The following NPTX2 variants were observed in gnomAD, a reference collection of about 807,000 sequenced individuals.
The protein encoded by NPTX2 is neuronal pentraxin-2.
In NPTX2, 23 loss-of-function variants were observed where a neutral mutation model predicts 38.1. The observed-to-expected ratio is 0.60, with a 90% confidence interval of 0.43 to 0.85. The LOEUF is 0.85. NPTX2 is among the 40% of genes least tolerant of loss of function. NPTX2 has a pLI of 0.00. For synonymous variants in NPTX2, 291 were observed against 287.3 expected (o/e 1.01, Z -0.13); for missense variants, 553 against 615.3 (o/e 0.90, Z 1.07).
chr7:98,627,260 C>G lies in NPTX2; in HGVS notation c.984C>G (p.Asp328Glu). 2 of 1,613,606 alleles carry G rather than the reference C, an allele frequency of 1.2e-6. No individual in the cohort carries two copies. The highest frequency in any genetic ancestry group is 1.7e-6 in the Non-Finnish European group (2 of 1,179,568). Reference protein sequence around the residue: ...TRDGMWEAFQDGEKLGTGENL... With the variant: ...TRDGMWEAFQEGEKLGTGENL... ...ATGGCATGTGGGAGGCATTCCAGGA[C>G]GGAGAGAAGCTGGGCACTGGGGAGA... The change falls in exon 4 of 5, where the codon GAC (aspartate) becomes GAG (glutamate). Residue 328 changes from aspartate to glutamate, a missense_variant. Coordinates refer to ENST00000265634, the MANE Select transcript of NPTX2 (RefSeq NM_002523.3).
Position 98,625,084 on chromosome 7 carries a change from C to T in NPTX2, c.806C>T (p.Ser269Phe). 1.2e-6 allele frequency: 2 copies of T among 1,613,066 alleles called. No individual in the cohort carries two copies. The highest frequency in any genetic ancestry group is 2.2e-5 in the East Asian group (1 of 44,860). The change falls in exon 3 of 5, where the codon TCC (serine) becomes TTC (phenylalanine). Residue 269 changes from serine (S) to phenylalanine (F), a missense_variant. By Grantham distance (155) the Ser-to-Phe change is radical (BLOSUM62 -2). Coordinates refer to ENST00000265634, the MANE Select transcript of NPTX2 (RefSeq NM_002523.3). ...TCACCAGGCATTGGCACCCCCTTCT[C>T]CTATGCGGTGCCAGGGCAGGCCAAC... ...SASPGIGTPF[S>F]YAVPGQANEI...
rs773232946 is a variant in NPTX2, at chr7:98,625,038, C to T, written c.760C>T (p.Leu254=). ...TGAGCTGTACGCCTTCACCATCTGC[C>T]TGTGGCTGCGGTCCAGCGCCTCACC... is the stretch of plus-strand genomic sequence containing the variant. ...LPELYAFTIC[L]WLRSSASPGI... is the part of the protein sequence containing the mutation. The change falls in exon 3 of 5, where the codon CTG becomes TTG. Residue 254 remains leucine (L), a synonymous_variant. Coordinates refer to ENST00000265634, the MANE Select transcript of NPTX2 (RefSeq NM_002523.3). 5 of 1,613,800 alleles carry T rather than the reference C, an allele frequency of 3.1e-6. No individual in the cohort carries two copies. In the South Asian group the frequency reaches 3.3e-5, roughly 11 times the overall value.
At position 98,627,249 on chromosome 7, in the gene NPTX2, G is replaced by C; in HGVS notation, c.973G>C (p.Ala325Pro). Residue 325 changes from alanine (A) to proline (P), a missense_variant, in exon 4 of 5, where the codon GCA becomes CCA. Ala to Pro is a conservative substitution (Grantham distance 27, BLOSUM62 -1). Coordinates refer to ENST00000265634, the MANE Select transcript of NPTX2 (RefSeq NM_002523.3). ...TWTTRDGMWE[A>P]FQDGEKLGTG... The stretch of plus-strand genomic sequence containing the variant: ...GACGACACGGGATGGCATGTGGGAG[G>C]CATTCCAGGACGGAGAGAAGCTGGG... 6.2e-7 allele frequency: 1 copy of C among 1,613,432 alleles called. No individual in the cohort carries two copies. Among genetic ancestry groups the C allele is most frequent in the Non-Finnish European group, 8.5e-7 (1 of 1,179,378 alleles).
Position 98,628,159 on chromosome 7 carries a change from C to T in NPTX2, c.1069-243C>T, listed in dbSNP as rs114497209. On this transcript the variant is annotated intron_variant, in intron 4 of 4. Coordinates refer to ENST00000265634, the MANE Select transcript of NPTX2 (RefSeq NM_002523.3). ...TCATGAGACCTGGCTCTGATCCTGG[C>T]TTTGGGACTTTGAGCAGTGTCTTCC... Among the ~76,000 whole-genome samples the T allele has an allele frequency of 1.0e-2, 1,517 of 152,240 alleles. 23 individuals are homozygous for T. The highest frequency in any genetic ancestry group is 0.035 in the African/African-American group (1,454 of 41,536).
At position 98,624,965 on chromosome 7, in the gene NPTX2, C is replaced by T. The variant is rs372756676; in HGVS notation, c.687C>T (p.Leu229=). The T allele has an allele frequency of 1.5e-5, 24 of 1,613,742 alleles. No homozygotes were observed. The highest frequency in any genetic ancestry group is 1.9e-5 in the Non-Finnish European group (22 of 1,179,978). Residue 229 remains leucine, a synonymous_variant, in exon 3 of 5, where the codon CTC becomes CTT. Coordinates refer to ENST00000265634, the MANE Select transcript of NPTX2 (RefSeq NM_002523.3). ...CACCAGATGCGTTCAAGGTGTCCCTCCCACTCCGCACAAACTACCTATACG... is the reference window on the plus strand; with the variant it reads ...CACCAGATGCGTTCAAGGTGTCCCTTCCACTCCGCACAAACTACCTATACG... ...FKSPDAFKVS[L]PLRTNYLYGK... is the part of the protein sequence containing the mutation.
At position 98,617,845 on chromosome 7, in the gene NPTX2, C is replaced by A; in HGVS notation, c.384C>A (p.Ser128Arg). 6.4e-7 allele frequency: 1 copy of A among 1,554,928 alleles called. No individual in the cohort carries two copies. Among genetic ancestry groups the A allele is most frequent in the Middle Eastern group, 1.9e-4 (1 of 5,336 alleles). ...RDPGHVVEQL[S>R]RSLQTLKDRL... is the part of the protein sequence containing the mutation. ...CCGGCCACGTCGTGGAGCAGCTCAGCCGCTCGCTGCAGACCCTCAAGGACC... is the reference window on the plus strand; with the variant it reads ...CCGGCCACGTCGTGGAGCAGCTCAGACGCTCGCTGCAGACCCTCAAGGACC... The change falls in exon 1 of 5, where the codon AGC becomes AGA. Residue 128 changes from serine to arginine, a missense_variant. Physicochemically the swap from Ser to Arg is moderately radical, Grantham distance 110. Transcript: ENST00000265634.
At chr7:98,626,280 G>T (rs572755786) in intron 3 of NPTX2, among the ~76,000 whole-genome samples, 3 of 152,160 alleles carry the variant, frequency 2.0e-5, no homozygotes, top group African/African-American at 7.2e-5. Context: ...CCGGATTTGG[G>T]CATTTGAGTG....
At position 98,619,647 on chromosome 7, in the gene NPTX2, A is replaced by G; in HGVS notation, c.431A>G (p.Gln144Arg). 2 of 1,610,400 alleles carry G rather than the reference A, an allele frequency of 1.2e-6. No homozygotes were observed. The highest frequency in any genetic ancestry group is 1.7e-6 in the Non-Finnish European group (2 of 1,177,642). Reference sequence around the variant, plus strand: ...CTCCTCCCCGGTGGCTGAAAGCACCAGCTCAGAGCAAACGTGTCCAATGCT... The same window carrying G: ...CTCCTCCCCGGTGGCTGAAAGCACCGGCTCAGAGCAAACGTGTCCAATGCT... ...LKDRLESLEH[Q>R]LRANVSNAGL... The change falls in exon 2 of 5, where the codon CAG becomes CGG. Residue 144 changes from glutamine to arginine, a missense_variant. Coordinates refer to ENST00000265634, the MANE Select transcript of NPTX2 (RefSeq NM_002523.3).
At chr7:98,622,975 G>T (rs552611367) in intron 2 of NPTX2, among the ~76,000 whole-genome samples, 2 of 152,282 alleles carry the variant, frequency 1.3e-5, no homozygotes, top group South Asian at 4.2e-4. Context: ...GTGAACTGCG[G>T]CCCCCAAGAG....
chr7:98,626,807 T>G (rs528745713), intron 3 of NPTX2, among the ~76,000 whole-genome samples: 35 of 152,206 alleles, frequency 2.3e-4, no homozygotes, highest in Non-Finnish European at 4.4e-4. Flanking sequence ...GGTTTGGGAC[T>G]TGGCATGAGG....
chr7:98,625,048 G>A lies in NPTX2; in HGVS notation c.770G>A (p.Arg257Gln), dbSNP rs563276077. Reference protein sequence around the residue: ...LYAFTICLWLRSSASPGIGTP... With the variant: ...LYAFTICLWLQSSASPGIGTP... ...GCCTTCACCATCTGCCTGTGGCTGC[G>A]GTCCAGCGCCTCACCAGGCATTGGC... is the stretch of plus-strand genomic sequence containing the variant. Residue 257 changes from arginine (R) to glutamine (Q), a missense_variant, in exon 3 of 5, where the codon CGG becomes CAG. By Grantham distance (43) the Arg-to-Gln change is conservative. Coordinates refer to ENST00000265634, the MANE Select transcript of NPTX2 (RefSeq NM_002523.3). The A allele has an allele frequency of 1.3e-5, 21 of 1,613,584 alleles. No homozygotes were observed. Among genetic ancestry groups the A allele is most frequent in the East Asian group, 6.7e-5 (3 of 44,874 alleles).
At chr7:98,624,198 C>A (rs1233289655) in intron 2 of NPTX2, among the ~76,000 whole-genome samples, 1 of 152,206 alleles carries the variant, frequency 6.6e-6, no homozygotes, top group East Asian at 1.9e-4. Flanking sequence ...CTCAAGCAGT[C>A]TTCCCACCTC....
At chr7:98,628,238 C>T (rs952153781) in intron 4 of NPTX2, among the ~76,000 whole-genome samples, 164 bp from the exon 5 acceptor site, 3 of 152,144 alleles carry the variant, frequency 2.0e-5, no homozygotes, top group Non-Finnish European at 2.9e-5. Context: ...GCGATGCCAC[C>T]TCCCAGTTCT....
chr7:98,619,061 C>T (rs2115610667), intron 1 of NPTX2, among the ~76,000 whole-genome samples: 1 of 152,274 alleles, frequency 6.6e-6, no homozygotes, highest in African/African-American at 2.4e-5. Flanking sequence ...CAGCCTGCCA[C>T]AGCCTCCAGA....
intron 1 of NPTX2, among the ~76,000 whole-genome samples, chr7:98,618,775 T>A (rs1047205120): frequency 1.3e-5 from 2 of 151,960 alleles, no homozygotes; most frequent in Non-Finnish European, 2.9e-5. Context: ...CAAAACTAGG[T>A]TTAAATTACA....
chr7:98,627,716 C>T (rs1330789318), intron 4 of NPTX2, among the ~76,000 whole-genome samples: 1 of 152,176 alleles, frequency 6.6e-6, no homozygotes, highest in East Asian at 1.9e-4. Flanking sequence ...ACACAGGCTC[C>T]AGCTTCCATC....
intron 1 of NPTX2, 89 bp downstream of exon 1, chr7:98,617,976 C>G (rs73143702): frequency 1.3e-5 from 18 of 1,374,942 alleles, no homozygotes; most frequent in Non-Finnish European, 1.8e-5. Context: ...GAAAGGGGGC[C>G]TGGCCCTGGG....
intron 2 of NPTX2, among the ~76,000 whole-genome samples, chr7:98,620,713 C>T (rs1385501686): frequency 6.6e-6 from 1 of 152,076 alleles, no homozygotes; most frequent in African/African-American, 2.4e-5. Context: ...GAGGAGGGAA[C>T]GTCTAGGCAC....
At chr7:98,622,311 C>T (rs926802632) in intron 2 of NPTX2, among the ~76,000 whole-genome samples, 7 of 152,140 alleles carry the variant, frequency 4.6e-5, no homozygotes, top group African/African-American at 1.7e-4. Flanking sequence ...GGGTACAGGC[C>T]CCCTCCTCTG....
Sources: gnomAD v4.1 joint callset for allele counts (sites outside exome capture counted in the v4.1 genomes callset) on GRCh38, gnomAD v4.1.1 for gene constraint, MANE v1.5 for transcripts, NCBI Gene and HGNC (gene_info 2026-07-23, HGNC 2026-07-21) for gene names.